Variants in IGSF21 observed in about 807,000 individuals in gnomAD.
IGSF21 encodes the protein immunoglobin superfamily member 21, also known as immunoglobulin superfamily member 21.
IGSF21 carries 28 observed loss-of-function variants against 46.8 expected under a neutral mutation model. The ratio of observed to expected loss-of-function variants is 0.60; its 90% CI spans 0.44 to 0.82. The LOEUF is 0.82. Among genes scored for constraint, IGSF21 ranks in the 40% least tolerant of loss-of-function variants. The pLI is 0.00. For missense variants in IGSF21, 624 were observed against 665.5 expected (o/e 0.94, Z 0.69); for synonymous variants, 284 against 273.6 (o/e 1.04, Z -0.38).
At chr1:18,148,275 CGCCCACCACCAT>C (rs1445549296) in intron 1 of IGSF21, among the ~76,000 whole-genome samples, 2 of 151,754 alleles carry the variant, frequency 1.3e-5, no homozygotes, top group African/African-American at 4.8e-5. Context: ...GGACTACAGG[CGCCCACCACCAT>C]GCCCAGCTAA....
At chr1:18,196,847 A>G (rs1443234245) in intron 1 of IGSF21, among the ~76,000 whole-genome samples, 1 of 152,112 alleles carries the variant, frequency 6.6e-6, no homozygotes, top group Non-Finnish European at 1.5e-5. Context: ...TTTCCCAGGA[A>G]GGTGATATCT....
chr1:18,360,914 G>A (rs1266485401), intron 4 of IGSF21, among the ~76,000 whole-genome samples: 2 of 152,124 alleles, frequency 1.3e-5, no homozygotes, highest in African/African-American at 4.8e-5. Context: ...GGTGGTGACC[G>A]AGCTGAGATT....
chr1:18,327,219 C>T (rs867638541), intron 3 of IGSF21, among the ~76,000 whole-genome samples: 1 of 152,044 alleles, frequency 6.6e-6, no homozygotes, highest in African/African-American at 2.4e-5. Flanking sequence ...AATAGGTTGG[C>T]GGGGAGGGGC....
intron 3 of IGSF21, among the ~76,000 whole-genome samples, chr1:18,306,094 T>C (rs1417801927): frequency 1.3e-5 from 2 of 152,218 alleles, no homozygotes; most frequent in Non-Finnish European, 2.9e-5. Context: ...CACCTGCTGC[T>C]TGAAGCCCTC....
intron 1 of IGSF21, among the ~76,000 whole-genome samples, chr1:18,140,329 T>A (rs996832694): frequency 1.3e-5 from 2 of 152,232 alleles, no homozygotes; most frequent in African/African-American, 4.8e-5. Flanking sequence ...GAAAGCTGGC[T>A]TAATGCACCC....
chr1:18,372,632 AGATGGATGGATG>A (rs779856968), intron 6 of IGSF21, among the ~76,000 whole-genome samples: 1 of 135,204 alleles, frequency 7.4e-6, no homozygotes, highest in Admixed American at 7.3e-5. Flanking sequence ...ATGGATGGAT[AGATGGATGGATG>A]GATGGATGGA....
chr1:18,225,825 TTC>T (rs1201974638), intron 1 of IGSF21, among the ~76,000 whole-genome samples: 1 of 152,222 alleles, frequency 6.6e-6, no homozygotes, highest in East Asian at 1.9e-4. Context: ...GTTTGCCACT[TTC>T]TCTCACCTCT....
At chr1:18,139,030 T>C (rs2086391785) in intron 1 of IGSF21, among the ~76,000 whole-genome samples, 1 of 152,114 alleles carries the variant, frequency 6.6e-6, no homozygotes, top group African/African-American at 2.4e-5. Flanking sequence ...CCCACATCCT[T>C]ACCCACTGAA....
intron 2 of IGSF21, among the ~76,000 whole-genome samples, chr1:18,246,470 C>T (rs1298989786): frequency 6.6e-6 from 1 of 152,098 alleles, no homozygotes; most frequent in Non-Finnish European, 1.5e-5. Context: ...GCATGTGGAG[C>T]TTAGGACTCC....
intron 1 of IGSF21, among the ~76,000 whole-genome samples, chr1:18,133,762 C>T (rs891792649): frequency 7.9e-5 from 12 of 152,234 alleles, no homozygotes; most frequent in African/African-American, 2.9e-4. Context: ...GGACAACTGC[C>T]GATCCCCGTT....
At chr1:18,134,672 C>A (rs1276739695) in intron 1 of IGSF21, among the ~76,000 whole-genome samples, 1 of 152,134 alleles carries the variant, frequency 6.6e-6, no homozygotes, top group African/African-American at 2.4e-5. Flanking sequence ...CACCACAGCA[C>A]CCACCACAAA....
At chr1:18,364,852 G>A (rs1283796207) in intron 5 of IGSF21, among the ~76,000 whole-genome samples, 2 of 152,170 alleles carry the variant, frequency 1.3e-5, no homozygotes, top group African/African-American at 4.8e-5. Context: ...GGCCCCAGGT[G>A]GTTGCCATGG....
At chr1:18,197,526 T>C (rs531118448) in intron 1 of IGSF21, among the ~76,000 whole-genome samples, 1 of 152,344 alleles carries the variant, frequency 6.6e-6, no homozygotes, top group South Asian at 2.1e-4. Flanking sequence ...ATAACTGCAT[T>C]TGTCTGGTGC....
chr1:18,296,343 C>T (rs148333304), intron 3 of IGSF21, among the ~76,000 whole-genome samples: 3,279 of 152,212 alleles, frequency 0.022, 44 homozygotes, highest in Middle Eastern at 0.051. Flanking sequence ...AGTTTGTATA[C>T]GTTTTAGGTG....
intron 2 of IGSF21, among the ~76,000 whole-genome samples, chr1:18,249,552 G>A (rs1029382527): frequency 1.2e-4 from 19 of 152,222 alleles, no homozygotes; most frequent in South Asian, 2.1e-4. Context: ...CTCTGGGCTT[G>A]GAGAGCTCAG....
At chr1:18,339,246 G>A (rs1307316847) in intron 4 of IGSF21, among the ~76,000 whole-genome samples, 1 of 152,208 alleles carries the variant, frequency 6.6e-6, no homozygotes, top group Non-Finnish European at 1.5e-5. Flanking sequence ...GGGTGGGCAG[G>A]AGCGGGGCGT....
At position 18,206,050 on chromosome 1, in the gene IGSF21, CTAGT is replaced by C. The variant is rs1243341313; in HGVS notation, c.71-21847_71-21844del. 1.9e-4 allele frequency among the ~76,000 whole-genome samples: 29 copies of C among 152,334 alleles called. No homozygotes were observed. The South Asian group carries it at 4.4e-3, about 23-fold the overall frequency. ...CCCATCCCCTCATGGGGCTGACATT[CTAGT>C]CAAGGGGTAGATAAATTTTAAATAT... On this transcript the variant is annotated intron_variant, in intron 1 of 9. Transcript: ENST00000251296.
chr1:18,302,175 A>T (rs1557633266), intron 3 of IGSF21, among the ~76,000 whole-genome samples: 1 of 186 alleles, frequency 5.4e-3, no homozygotes, highest in Non-Finnish European at 9.8e-3. Context: ...AAGGTGCTCC[A>T]GGCCCAAGCT....
intron 4 of IGSF21, among the ~76,000 whole-genome samples, chr1:18,359,502 AG>A (rs1557659868): frequency 0.014 from 1,208 of 84,096 alleles, 34 homozygotes; most frequent in African/African-American, 0.06. Flanking sequence ...GAAGGAAGGA[AG>A]GAAGGAAGGA....
Sources: allele counts gnomAD v4.1 joint callset (sites outside exome capture counted in the v4.1 genomes callset), GRCh38; gene constraint gnomAD v4.1.1; transcripts MANE v1.5; gene names NCBI Gene and HGNC (gene_info 2026-07-23, HGNC 2026-07-21).